Variants in TENM4 observed in about 807,000 individuals in gnomAD.
TENM4 encodes teneurin-4.
TENM4 carries 82 observed loss-of-function variants against 243.3 expected under a neutral mutation model. That is an observed-to-expected ratio of 0.34 (90% CI 0.28 to 0.40). TENM4 has a LOEUF of 0.40. Among genes scored for constraint, TENM4 ranks in the 10% least tolerant of loss-of-function variants. The probability of loss-of-function intolerance (pLI) is 1.00; values close to 1 mark genes in which losing one functional copy is unlikely to be tolerated. For synonymous variants in TENM4, 1,412 were observed against 1,456.3 expected (o/e 0.97, Z 0.69); for missense variants, 3,138 against 3,673.3 (o/e 0.85, Z 3.77).
chr11:78,774,339 T>C (rs1397614623), intron 17 of TENM4, among the ~76,000 whole-genome samples: 1 of 152,182 alleles, frequency 6.6e-6, no homozygotes, highest in African/African-American at 2.4e-5. Flanking sequence ...CTATGGTCCT[T>C]ATAAATAAAT....
chr11:78,973,539 A>G (rs1857588254), intron 6 of TENM4, among the ~76,000 whole-genome samples: 1 of 152,062 alleles, frequency 6.6e-6, no homozygotes, highest in Non-Finnish European at 1.5e-5. Flanking sequence ...TTTTATTACT[A>G]AAGTGTAAGT....
intron 12 of TENM4, among the ~76,000 whole-genome samples, chr11:78,824,042 G>C (rs1263595445): frequency 1.3e-5 from 2 of 152,168 alleles, no homozygotes; most frequent in Non-Finnish European, 2.9e-5. Flanking sequence ...ATAAGTGACA[G>C]GGCCAGTATC....
At chr11:78,880,669 T>C (rs1056914457) in intron 9 of TENM4, among the ~76,000 whole-genome samples, 1 of 152,204 alleles carries the variant, frequency 6.6e-6, no homozygotes, top group Non-Finnish European at 1.5e-5. Context: ...AGGTCAAGGA[T>C]AACACACAGA....
chr11:78,943,533 C>T (rs1856947773), intron 6 of TENM4, among the ~76,000 whole-genome samples: 2 of 152,196 alleles, frequency 1.3e-5, no homozygotes, highest in Non-Finnish European at 2.9e-5. Flanking sequence ...GAGAAATTCA[C>T]ATTCAACAAA....
At chr11:78,661,081 A>G (rs1858019053) in intron 33 of TENM4, among the ~76,000 whole-genome samples, 1 of 152,140 alleles carries the variant, frequency 6.6e-6, no homozygotes, top group Non-Finnish European at 1.5e-5. Context: ...ACATAGAATA[A>G]CTCACATAAG....
rs569939739 is a variant in TENM4 at position 79,060,907 on chromosome 11, C to A, written c.493+3831G>T. On this transcript the variant is annotated intron_variant, in intron 6 of 33. Transcript: ENST00000278550. ...CTGACAGGTCCAGTGGAACTGAGCC[C>A]TGTTCTGATGGTGAGATCCGAGTTC... 1.4e-3 allele frequency among the ~76,000 whole-genome samples: 211 copies of A among 152,254 alleles called. 1 individual carries two copies. The highest frequency in any genetic ancestry group is 4.9e-3 in the African/African-American group (205 of 41,534).
intron 6 of TENM4, among the ~76,000 whole-genome samples, chr11:78,940,955 G>A (rs577577294): frequency 1.3e-5 from 2 of 152,304 alleles, no homozygotes; most frequent in African/African-American, 4.8e-5. Flanking sequence ...CTTCACCTGA[G>A]CCTTTTTGCC....
chr11:79,152,567 T>C (rs1368790355), intron 3 of TENM4, among the ~76,000 whole-genome samples: 3 of 152,180 alleles, frequency 2.0e-5, no homozygotes, highest in Non-Finnish European at 4.4e-5. Context: ...AATTAGCAAA[T>C]GGATTACAAC....
At chr11:78,815,707 C>A (rs534454304) in intron 12 of TENM4, among the ~76,000 whole-genome samples, 8 of 152,288 alleles carry the variant, frequency 5.3e-5, no homozygotes, top group African/African-American at 1.9e-4. Flanking sequence ...TTCTTTGTGC[C>A]ATGTATTTCC....
At chr11:78,958,139 G>A (rs1311707652) in intron 6 of TENM4, among the ~76,000 whole-genome samples, 1 of 152,184 alleles carries the variant, frequency 6.6e-6, no homozygotes, top group Non-Finnish European at 1.5e-5. Flanking sequence ...ATACGATAAT[G>A]CATGTTTTAT....
intron 6 of TENM4, among the ~76,000 whole-genome samples, chr11:78,978,133 C>T (rs577993932): frequency 4.1e-4 from 62 of 151,454 alleles, no homozygotes; most frequent in African/African-American, 1.4e-3. Flanking sequence ...TATTCTCACT[C>T]ATAAGTGGGG....
chr11:78,914,322 C>T (rs1048900303), intron 6 of TENM4, among the ~76,000 whole-genome samples: 3 of 152,214 alleles, frequency 2.0e-5, no homozygotes, highest in African/African-American at 7.2e-5. Flanking sequence ...AGCGAGAATA[C>T]TACTGCTGCC....
At chr11:79,136,033 T>C (rs117900321) in intron 4 of TENM4, among the ~76,000 whole-genome samples, 4 of 151,652 alleles carry the variant, frequency 2.6e-5, no homozygotes, top group African/African-American at 7.3e-5. Context: ...TGGGAACTTA[T>C]GGGGAAGAGT....
chr11:79,007,184 A>G (rs553674286), intron 6 of TENM4, among the ~76,000 whole-genome samples: 1 of 152,218 alleles, frequency 6.6e-6, no homozygotes, highest in Non-Finnish European at 1.5e-5. Flanking sequence ...TGTTGGTAGT[A>G]TTTCTCCGGA....
intron 28 of TENM4, among the ~76,000 whole-genome samples, chr11:78,692,122 C>T (rs1399275907): frequency 6.6e-6 from 1 of 152,202 alleles, no homozygotes; most frequent in African/African-American, 2.4e-5. Flanking sequence ...GTCCCGGCCC[C>T]ATGATTAGGT....
intron 6 of TENM4, among the ~76,000 whole-genome samples, chr11:78,972,905 G>A (rs1470518126): frequency 6.6e-6 from 1 of 152,174 alleles, no homozygotes; most frequent in Non-Finnish European, 1.5e-5. Context: ...CCTATTCTGA[G>A]CATTTCATAA....
chr11:79,240,673 C>A (rs765406607), intron 2 of TENM4, among the ~76,000 whole-genome samples: 1 of 152,196 alleles, frequency 6.6e-6, no homozygotes, highest in Non-Finnish European at 1.5e-5. Flanking sequence ...GTCTGCTATG[C>A]AAGCATGGGA....
intron 18 of TENM4, among the ~76,000 whole-genome samples, chr11:78,767,447 G>A (rs1856561299): frequency 1.3e-5 from 2 of 152,216 alleles, no homozygotes; most frequent in African/African-American, 4.8e-5. Flanking sequence ...TCTAGGTGGA[G>A]GATAAATCAC....
intron 3 of TENM4, among the ~76,000 whole-genome samples, chr11:79,196,201 A>C (rs1365046923): frequency 6.6e-6 from 1 of 152,082 alleles, no homozygotes; most frequent in South Asian, 2.1e-4. Flanking sequence ...CGGCAGCGTG[A>C]AAACAGACTA....
Sources: gnomAD v4.1 joint callset for allele counts (sites outside exome capture counted in the v4.1 genomes callset) on GRCh38, gnomAD v4.1.1 for gene constraint, MANE v1.5 for transcripts, NCBI Gene and HGNC (gene_info 2026-07-23, HGNC 2026-07-21) for gene names.